HEYL: variants seen among roughly 807,000 people sequenced by gnomAD.
HEYL encodes the protein hairy/enhancer-of-split related with YRPW motif-like protein.
Under a neutral mutation model 18.6 loss-of-function variants are expected in HEYL, and 12 were observed. The observed-to-expected ratio is 0.65, with a 90% CI of 0.41 to 1.05. HEYL has a LOEUF of 1.05. HEYL is among the 50% of genes least tolerant of loss of function. The pLI is 0.00. For synonymous variants in HEYL, 159 were observed against 179.6 expected (o/e 0.89, Z 0.91); for missense variants, 420 against 444.7 (o/e 0.94, Z 0.50).
At chr1:39,631,410 C>A (rs2124114534) in intron 3 of HEYL, 86 bp downstream of exon 3, 1 of 1,096,146 alleles carries the variant, frequency 9.1e-7, no homozygotes, top group South Asian at 1.3e-5. Flanking sequence ...GCAGCTGCTA[C>A]CAATCAACAA....
Position 39,626,906 on chromosome 1 carries a change from C to A in HEYL, c.588G>T (p.Leu196=). ...LPALSNQLAI[L]GRVPSPVLPG... The stretch of plus-strand genomic sequence containing the variant: ...GGAGGACAGGGCTGGGCACTCTTCC[C>A]AGGATGGCGAGCTGGTTGCTCAGGG... Residue 196 remains leucine, a synonymous_variant, in exon 5 of 5, where the codon CTG becomes CTT. Transcript: ENST00000372852. 1 of 1,609,924 alleles carries A rather than the reference C, an allele frequency of 6.2e-7. No homozygotes were observed. Among genetic ancestry groups the A allele is most frequent in the Admixed American group, 1.7e-5 (1 of 59,632 alleles).
Position 39,625,268 on chromosome 1 carries a change from C to T in HEYL, c.*1239G>A, listed in dbSNP as rs1241568270. On this transcript the variant is annotated 3_prime_UTR_variant, in exon 5 of 5. Coordinates refer to ENST00000372852, the MANE Select transcript of HEYL (RefSeq NM_014571.4). ...TGGTCCCACTGGGTGTCAGTCCAGG[C>T]TCCGCTGTTCTGCTGGGAACGACTG... 1 of 152,282 alleles carries T rather than the reference C, an allele frequency of 6.6e-6. No homozygotes were observed. The highest frequency in any genetic ancestry group is 1.5e-5 in the Non-Finnish European group (1 of 68,076). The allele number at this position is 152,282 out of a possible 1,614,324, so 9.4% of individuals were successfully genotyped here.
At chr1:39,632,022 C>A (rs1646336337) in intron 2 of HEYL, among the ~76,000 whole-genome samples, 1 of 152,234 alleles carries the variant, frequency 6.6e-6, no homozygotes, top group African/African-American at 2.4e-5. Flanking sequence ...CACTCTCATT[C>A]TTCCCTCCAA....
chr1:39,635,883 T>C (rs979716060), intron 1 of HEYL, among the ~76,000 whole-genome samples: 11 of 152,196 alleles, frequency 7.2e-5, no homozygotes, highest in African/African-American at 2.7e-4. Context: ...GGGATTCTCT[T>C]GTCTGAGAAT....
rs1279806898 is a variant in HEYL, at chr1:39,624,124, G to C, written c.*2383C>G. The C allele has an allele frequency of 6.6e-6, 1 of 152,260 alleles. No homozygotes were observed. Among genetic ancestry groups the C allele is most frequent in the Non-Finnish European group, 1.5e-5 (1 of 68,060 alleles). 9.4% of individuals were successfully genotyped at this position (152,260 alleles called of 1,614,324 possible). A position where few individuals can be genotyped will look rare whatever the true frequency, so the allele number is the denominator to read the frequency against. On this transcript the variant is annotated 3_prime_UTR_variant, in exon 5 of 5. Transcript: ENST00000372852. ...CAGACAGAAGTGGATGGACTCCAGA[G>C]ATAGTTTAGAAGTAGAATCTACTGG...
At chr1:39,636,622 G>A (rs891469855) in intron 1 of HEYL, among the ~76,000 whole-genome samples, 6 of 152,100 alleles carry the variant, frequency 3.9e-5, no homozygotes, top group Admixed American at 6.5e-5. Flanking sequence ...ACATCATCCC[G>A]TCATGTAGAT....
At chr1:39,630,355 AGCTGT>A (rs1360459198) in intron 3 of HEYL, 47 bp from the exon 4 acceptor site, 2 of 1,443,890 alleles carry the variant, frequency 1.4e-6, no homozygotes, top group East Asian at 2.3e-5. Flanking sequence ...CTGACCATGT[AGCTGT>A]GCGGTGTCAT....
chr1:39,627,725 A>G (rs1285375416), intron 4 of HEYL, among the ~76,000 whole-genome samples: 2 of 152,236 alleles, frequency 1.3e-5, no homozygotes, highest in Non-Finnish European at 2.9e-5. Context: ...CTGATTGTGG[A>G]CAAGTCTCTT....
intron 4 of HEYL, 41 bp from the exon 5 acceptor site, chr1:39,627,221 G>A (rs1395589508): frequency 3.2e-6 from 5 of 1,551,208 alleles, no homozygotes; most frequent in Non-Finnish European, 4.4e-6. Flanking sequence ...CAGGTGTGGG[G>A]AGAAGCATGG....
At chr1:39,628,599 CTTTT>C (rs1286194925) in intron 4 of HEYL, among the ~76,000 whole-genome samples, 18 of 149,518 alleles carry the variant, frequency 1.2e-4, no homozygotes, top group African/African-American at 4.4e-4. Flanking sequence ...TTTTCTTTTT[CTTTT>C]TCTTTTATTT....
intron 2 of HEYL, 61 bp downstream of exon 2, chr1:39,632,588 A>C: frequency 6.9e-7 from 1 of 1,447,486 alleles, no homozygotes; most frequent in Non-Finnish European, 9.5e-7. Context: ...CCGCCGCCAG[A>C]CTGCAGGGGA....
In HEYL at chr1:39,630,275, G is replaced by A. The variant is rs771409504; in HGVS notation, c.265C>T (p.Gln89Ter). 3.1e-6 allele frequency: 5 copies of A among 1,614,088 alleles called. No homozygotes were observed. The highest frequency in any genetic ancestry group is 1.1e-5 in the South Asian group (1 of 91,078). ...SSKLEKAEVL[Q>*]MTVDHLKMLH... Reference sequence around the variant, plus strand: ...ATTTTCAAGTGATCCACCGTCATCTGCAAGACCTCGGCTTTCTCCAGCTTG... The same window carrying A: ...ATTTTCAAGTGATCCACCGTCATCTACAAGACCTCGGCTTTCTCCAGCTTG... Residue 89 changes from glutamine to a stop codon, truncating the protein, a stop_gained, in exon 4 of 5, where the codon CAG becomes TAG. Coordinates refer to ENST00000372852, the MANE Select transcript of HEYL (RefSeq NM_014571.4). LOFTEE classifies it high-confidence loss of function.
At chr1:39,630,661 G>A (rs1199056882) in intron 3 of HEYL, among the ~76,000 whole-genome samples, 1 of 152,182 alleles carries the variant, frequency 6.6e-6, no homozygotes, top group Admixed American at 6.5e-5. Context: ...CCTGCAGAGA[G>A]GCTTGTCACC....
intron 1 of HEYL, chr1:39,633,106 G>T (rs534571589): frequency 6.1e-6 from 6 of 983,750 alleles, no homozygotes; most frequent in Non-Finnish European, 6.0e-6. Flanking sequence ...CGCTGGGAAC[G>T]AGCGTGGAAA....
At position 39,626,253 on chromosome 1, in the gene HEYL, G is replaced by T. The variant is rs1379480700; in HGVS notation, c.*254C>A. Reference sequence around the variant, plus strand: ...GCGGATCTCTGAGGGTCTCTCCCAGGACTCATCTGTTCAGGTGAGAAATGG... The same window carrying T: ...GCGGATCTCTGAGGGTCTCTCCCAGTACTCATCTGTTCAGGTGAGAAATGG... On this transcript the variant is annotated 3_prime_UTR_variant, in exon 5 of 5. Transcript: ENST00000372852. 8 of 481,594 alleles carry T rather than the reference G, an allele frequency of 1.7e-5. No homozygotes were observed. The highest frequency in any genetic ancestry group is 2.9e-5 in the Non-Finnish European group (8 of 275,578). 29.8% of individuals were successfully genotyped at this position (481,594 alleles called of 1,614,324 possible).
chr1:39,632,327 C>A (rs1362158384), intron 2 of HEYL, among the ~76,000 whole-genome samples: 1 of 152,214 alleles, frequency 6.6e-6, no homozygotes, highest in Non-Finnish European at 1.5e-5. Context: ...AGAGAGGAGA[C>A]AGAAGATAGG....
At chr1:39,634,365 G>A (rs933641335) in intron 1 of HEYL, among the ~76,000 whole-genome samples, 1 of 152,188 alleles carries the variant, frequency 6.6e-6, no homozygotes, top group Non-Finnish European at 1.5e-5. Context: ...AAAGTGCTGG[G>A]ATTACAGGCA....
intron 4 of HEYL, 143 bp downstream of exon 4, chr1:39,630,084 G>C: frequency 1.4e-6 from 1 of 697,136 alleles, no homozygotes; most frequent in South Asian, 1.6e-5. Context: ...AAAGGAGAGA[G>C]AGAAGCTTTG....
At position 39,626,398 on chromosome 1, in the gene HEYL, T is replaced by G; in HGVS notation, c.*109A>C. 2 of 1,018,318 alleles carry G rather than the reference T, an allele frequency of 2.0e-6. No individual in the cohort carries two copies. The highest frequency in any genetic ancestry group is 3.3e-5 in the Admixed American group (1 of 30,310). The allele number at this position is 1,018,318 out of a possible 1,614,324, so 63.1% of individuals were successfully genotyped here. On this transcript the variant is annotated 3_prime_UTR_variant, in exon 5 of 5. Coordinates refer to ENST00000372852, the MANE Select transcript of HEYL (RefSeq NM_014571.4). ...CCTCTGATGGCTGGAGAACGTGCCTTCACATATGAGCCAGTCCATGAAGCA... is the reference window on the plus strand; with the variant it reads ...CCTCTGATGGCTGGAGAACGTGCCTGCACATATGAGCCAGTCCATGAAGCA...
Sources: allele counts gnomAD v4.1 joint callset (sites outside exome capture counted in the v4.1 genomes callset), GRCh38; gene constraint gnomAD v4.1.1; transcripts MANE v1.5; gene names NCBI Gene and HGNC (gene_info 2026-07-23, HGNC 2026-07-21).